GUF1: variants seen among roughly 807,000 people sequenced by gnomAD.
The protein encoded by GUF1 is translation factor GUF1, mitochondrial.
GUF1 carries 78 observed loss-of-function variants against 82.4 expected under a neutral mutation model. The ratio of observed to expected loss-of-function variants is 0.95; its 90% CI spans 0.79 to 1.14. The LOEUF (loss-of-function observed/expected upper bound fraction) is 1.14. Among genes scored for constraint, GUF1 ranks in the 50% most tolerant of loss-of-function variants. GUF1 has a pLI of 0.00. For missense variants in GUF1, 814 were observed against 798.2 expected, an observed-to-expected ratio of 1.02 and a Z score of -0.24; for synonymous variants, 279 against 282.3, an observed-to-expected ratio of 0.99 and a Z score of 0.12.
In GUF1 at chr4:44,688,087, A is replaced by C; in HGVS notation, c.1019A>C (p.His340Pro). ...EAQIGDTLCLHKQPVEPLPGF... is the reference protein window; with the variant it reads ...EAQIGDTLCLPKQPVEPLPGF... ...CAAATAGGAGATACATTATGTTTAC[A>C]TAAGCAACCAGTGGAGCCCTTGCCT... The change falls in exon 9 of 17, where the codon CAT (histidine) becomes CCT (proline). Residue 340 changes from histidine (H) to proline (P), a missense_variant. Transcript: ENST00000281543. 6.2e-7 allele frequency: 1 copy of C among 1,612,498 alleles called. No individual in the cohort carries two copies. Among genetic ancestry groups the C allele is most frequent in the Non-Finnish European group, 8.5e-7 (1 of 1,178,796 alleles).
Position 44,698,794 on chromosome 4 carries a change from G to A in GUF1, c.*113G>A, listed in dbSNP as rs1158221857. ...GTATTCAGGTTCAAATAACCTACTA[G>A]TCTTTCGTTGAAAGGGAGTAGTTAG... is the stretch of plus-strand genomic sequence containing the variant. On this transcript the variant is annotated 3_prime_UTR_variant, in exon 17 of 17. Coordinates refer to ENST00000281543, the MANE Select transcript of GUF1 (RefSeq NM_021927.3). 1 of 917,094 alleles carries A rather than the reference G, an allele frequency of 1.1e-6. No individual in the cohort carries two copies. The highest frequency in any genetic ancestry group is 2.7e-5 in the East Asian group (1 of 37,686). 56.8% of individuals were successfully genotyped at this position (917,094 alleles called of 1,614,324 possible). A position where few individuals can be genotyped will look rare whatever the true frequency, so the allele number is the denominator to read the frequency against.
At chr4:44,692,614 A>G (rs1419698309) in intron 13 of GUF1, among the ~76,000 whole-genome samples, 3 of 152,048 alleles carry the variant, frequency 2.0e-5, no homozygotes, top group South Asian at 2.1e-4. Flanking sequence ...GTGTTTAACA[A>G]ACATGCTACA....
Position 44,688,034 on chromosome 4 carries a change from T to C in GUF1, c.966T>C (p.Ile322=), listed in dbSNP as rs1319679888. 1.9e-6 allele frequency: 3 copies of C among 1,612,100 alleles called. No homozygotes were observed. Among genetic ancestry groups the C allele is most frequent in the African/African-American group, 2.7e-5 (2 of 74,798 alleles). Residue 322 remains isoleucine (I), a synonymous_variant, in exon 9 of 17, where the codon ATT becomes ATC. Coordinates refer to ENST00000281543, the MANE Select transcript of GUF1 (RefSeq NM_021927.3). The part of the protein sequence containing the change: ...KLYAGQVGYL[I]AGMKDVTEAQ... ...ATGCAGGACAGGTGGGCTATCTGATTGCTGGGATGAAAGATGTCACTGAAG... is the reference window on the plus strand; with the variant it reads ...ATGCAGGACAGGTGGGCTATCTGATCGCTGGGATGAAAGATGTCACTGAAG...
At position 44,700,299 on chromosome 4, in the gene GUF1, A is replaced by G. The variant is rs1175120431; in HGVS notation, c.*1618A>G. The G allele has an allele frequency of 6.6e-6, 1 of 152,198 alleles. No homozygotes were observed. Among genetic ancestry groups the G allele is most frequent in the African/African-American group, 2.4e-5 (1 of 41,460 alleles). The allele number at this position is 152,198 out of a possible 1,614,324, so 9.4% of individuals were successfully genotyped here. ...GGAATTCCTTATGGACAAAGAACTC[A>G]AAGTCTTCACATGAAACAAATGCAT... On this transcript the variant is annotated 3_prime_UTR_variant, in exon 17 of 17. Transcript: ENST00000281543.
intron 8 of GUF1, among the ~76,000 whole-genome samples, chr4:44,687,286 G>T (rs1296684852): frequency 6.6e-6 from 1 of 151,946 alleles, no homozygotes; most frequent in Non-Finnish European, 1.5e-5. Context: ...CCTGTTCCTT[G>T]TCTGTAGAAA....
intron 15 of GUF1, among the ~76,000 whole-genome samples, chr4:44,696,271 C>A (rs6447369): frequency 0.53 from 79,969 of 151,850 alleles, 22,468 homozygotes; most frequent in Non-Finnish European, 0.64. Flanking sequence ...TAATTTGTGT[C>A]GGACACTAGT....
At chr4:44,691,004 C>A in intron 12 of GUF1, 144 bp downstream of exon 12, 1 of 435,352 alleles carries the variant, frequency 2.3e-6, no homozygotes, top group Non-Finnish European at 4.1e-6. Flanking sequence ...TATATCTATA[C>A]ACATAGATAT....
At chr4:44,696,910 C>G (rs558877842) in intron 15 of GUF1, among the ~76,000 whole-genome samples, 1 of 152,254 alleles carries the variant, frequency 6.6e-6, no homozygotes, top group Admixed American at 6.5e-5. Flanking sequence ...TTAGAGTGAT[C>G]TAGAAATTTC....
chr4:44,688,893 G>T (rs1420138455), intron 9 of GUF1, among the ~76,000 whole-genome samples: 1 of 151,880 alleles, frequency 6.6e-6, no homozygotes, highest in African/African-American at 2.4e-5. Flanking sequence ...GTGCAGTATA[G>T]TTTTCATGTC....
At chr4:44,685,273 T>TA (rs1714981595) in intron 6 of GUF1, among the ~76,000 whole-genome samples, 1 of 152,090 alleles carries the variant, frequency 6.6e-6, no homozygotes. Flanking sequence ...ATCTTGTGGG[T>TA]AAATGAGGTG....
Position 44,689,292 on chromosome 4 carries a change from ATCC to A in GUF1, c.1088_1090del (p.Pro363del). On this transcript the variant is annotated inframe_deletion, in exon 10 of 17. Coordinates refer to ENST00000281543, the MANE Select transcript of GUF1 (RefSeq NM_021927.3). ...GAAATCATTGTATCCCCAGGAATGTATCCTCTAGACCAATCTGAATATAACAAT... is the reference window on the plus strand; with the variant it reads ...GAAATCATTGTATCCCCAGGAATGTATCTAGACCAATCTGAATATAACAAT... 6.3e-7 allele frequency: 1 copy of A among 1,590,532 alleles called. No individual in the cohort carries two copies. Among genetic ancestry groups the A allele is most frequent in the African/African-American group, 1.4e-5 (1 of 73,578 alleles).
At chr4:44,681,080 A>C in intron 3 of GUF1, 43 bp from the exon 4 acceptor site, 1 of 1,518,478 alleles carries the variant, frequency 6.6e-7, no homozygotes, top group East Asian at 2.3e-5. Context: ...CTTTCCTAAA[A>C]AATTAACTCA....
At chr4:44,683,960 G>A (rs1232878123) in intron 6 of GUF1, among the ~76,000 whole-genome samples, 1 of 151,970 alleles carries the variant, frequency 6.6e-6, no homozygotes, top group African/African-American at 2.4e-5. Context: ...GTTATATATG[G>A]TTTTATATTT....
intron 9 of GUF1, 21 bp downstream of exon 9, chr4:44,688,167 A>C: frequency 1.9e-6 from 3 of 1,600,016 alleles, no homozygotes; most frequent in South Asian, 1.1e-5. Flanking sequence ...CACAAATTCA[A>C]AGGTTGAGGG....
At chr4:44,697,117 A>G (rs1577784104) in intron 15 of GUF1, among the ~76,000 whole-genome samples, 2 of 152,322 alleles carry the variant, frequency 1.3e-5, no homozygotes, top group East Asian at 3.9e-4. Flanking sequence ...CTTGTAATCA[A>G]GGTCACATCA....
At chr4:44,684,422 G>T (rs1714937409) in intron 6 of GUF1, among the ~76,000 whole-genome samples, 1 of 152,092 alleles carries the variant, frequency 6.6e-6, no homozygotes, top group South Asian at 2.1e-4. Context: ...GGATGAGAAG[G>T]CTTTGTAGGG....
intron 1 of GUF1, among the ~76,000 whole-genome samples, chr4:44,679,631 C>T (rs540962171): frequency 2.3e-4 from 35 of 151,978 alleles, no homozygotes; most frequent in Admixed American, 3.9e-4. Flanking sequence ...AGTTTTTTTT[C>T]GGCAGACTTT....
chr4:44,678,858 GT>G (rs1432314856), intron 1 of GUF1, 71 bp downstream of exon 1: 1 of 1,433,516 alleles, frequency 7.0e-7, no homozygotes, highest in East Asian at 2.7e-5. Flanking sequence ...TCTTGGACAT[GT>G]ATAGGGCTTT....
At chr4:44,688,652 C>T (rs1397709032) in intron 9 of GUF1, among the ~76,000 whole-genome samples, 1 of 151,896 alleles carries the variant, frequency 6.6e-6, no homozygotes, top group Non-Finnish European at 1.5e-5. Flanking sequence ...TCAGGTTACT[C>T]TGTGCTGAGT....
Sources: allele counts gnomAD v4.1 joint callset (sites outside exome capture counted in the v4.1 genomes callset), GRCh38; gene constraint gnomAD v4.1.1; transcripts MANE v1.5; gene names NCBI Gene and HGNC (gene_info 2026-07-23, HGNC 2026-07-21).